MCTP1: variants seen among roughly 807,000 people sequenced by gnomAD.
The protein encoded by MCTP1 is multiple C2 and transmembrane domain-containing protein 1.
MCTP1 carries 69 observed loss-of-function variants against 120.6 expected under a neutral mutation model. That is an observed-to-expected ratio of 0.57 (90% CI 0.47 to 0.70). MCTP1 has a LOEUF of 0.70. MCTP1 is among the 30% of genes least tolerant of loss of function. The pLI is 0.00. For missense variants in MCTP1, 1,203 were observed against 1,248.8 expected (o/e 0.96, Z 0.55); for synonymous variants, 529 against 493.1 (o/e 1.07, Z -0.96).
intron 1 of MCTP1, among the ~76,000 whole-genome samples, chr5:95,171,998 A>T (rs251073): frequency 0.85 from 129,632 of 152,164 alleles, 55,639 homozygotes; most frequent in Middle Eastern, 0.91. Flanking sequence ...ATTTTTAGAA[A>T]TTTCAGCTTT....
rs758320084 is a variant in MCTP1, at chr5:94,870,508, G to T, written c.2242-17C>A. On this transcript the variant is annotated splice_polypyrimidine_tract_variant and intron_variant, in intron 15 of 22. Coordinates refer to ENST00000515393, the MANE Select transcript of MCTP1 (RefSeq NM_024717.7). ...GGCTTTCACCTATACATCAACATAT[G>T]TGTCTGTTATGGATTAATATATTAC... 182 of 1,517,298 alleles carry T rather than the reference G, an allele frequency of 1.2e-4. No homozygotes were observed. The highest frequency in any genetic ancestry group is 1.6e-4 in the Non-Finnish European group (179 of 1,091,588). 94.0% of individuals were successfully genotyped at this position (1,517,298 alleles called of 1,614,324 possible).
At chr5:95,108,703 T>C (rs1188249227) in intron 1 of MCTP1, among the ~76,000 whole-genome samples, 1 of 152,248 alleles carries the variant, frequency 6.6e-6, no homozygotes, top group African/African-American at 2.4e-5. Flanking sequence ...ACATCGATAC[T>C]GTCACTTATG....
At chr5:95,164,997 G>A (rs548237976) in intron 1 of MCTP1, among the ~76,000 whole-genome samples, 1 of 152,190 alleles carries the variant, frequency 6.6e-6, no homozygotes, top group Admixed American at 6.5e-5. Context: ...GGGGGAATAA[G>A]GCACACCCAC....
At chr5:94,817,407 A>AAAACAAAC (rs55957139) in intron 17 of MCTP1, among the ~76,000 whole-genome samples, 3,882 of 150,010 alleles carry the variant, frequency 0.026, 102 homozygotes, top group East Asian at 0.12. Context: ...CTCTTGTCTC[A>AAAACAAAC]AAACAAACAA....
chr5:95,155,357 G>T (rs1479798748), intron 1 of MCTP1, among the ~76,000 whole-genome samples: 7 of 152,052 alleles, frequency 4.6e-5, no homozygotes, highest in East Asian at 1.9e-4. Flanking sequence ...TCTAATGAAG[G>T]ATTTAGGCAA....
At chr5:94,752,144 TA>T (rs1768599771) in intron 19 of MCTP1, among the ~76,000 whole-genome samples, 1 of 120,972 alleles carries the variant, frequency 8.3e-6, no homozygotes, top group African/African-American at 3.1e-5. Flanking sequence ...TATATATATA[TA>T]TTCAAAATAG....
intron 1 of MCTP1, among the ~76,000 whole-genome samples, chr5:95,224,550 C>T (rs1445985502): frequency 6.7e-6 from 1 of 149,782 alleles, no homozygotes; most frequent in African/African-American, 2.5e-5. Context: ...CTGTGTCCCC[C>T]AGGCTGGAAT....
chr5:94,832,210 A>T (rs1403632138), intron 17 of MCTP1, among the ~76,000 whole-genome samples: 1 of 150,618 alleles, frequency 6.6e-6, no homozygotes, highest in Non-Finnish European at 1.5e-5. Context: ...AATGTTTGAG[A>T]GTTACTTTAT....
chr5:94,867,362 A>C (rs1307073502), intron 17 of MCTP1: 2 of 1,532,356 alleles, frequency 1.3e-6, no homozygotes, highest in Non-Finnish European at 1.7e-6. Context: ...CTCAGACATT[A>C]ATGAAAGTCC....
At chr5:94,873,741 T>A (rs1186545833) in intron 12 of MCTP1, among the ~76,000 whole-genome samples, 1 of 152,006 alleles carries the variant, frequency 6.6e-6, no homozygotes, top group Non-Finnish European at 1.5e-5. Context: ...ATATTTTAAT[T>A]GGACTAAGAT....
At chr5:94,889,893 A>T (rs1273327052) in intron 11 of MCTP1, among the ~76,000 whole-genome samples, 1 of 152,224 alleles carries the variant, frequency 6.6e-6, no homozygotes, top group African/African-American at 2.4e-5. Context: ...TAAATTATGG[A>T]ATAGATATGT....
chr5:94,769,055 C>T (rs1034737264), intron 19 of MCTP1, among the ~76,000 whole-genome samples: 1 of 151,994 alleles, frequency 6.6e-6, no homozygotes, highest in Admixed American at 6.6e-5. Context: ...GCTATTTGGC[C>T]ATAAAAAGGA....
chr5:94,714,911 C>G (rs1354432861), intron 19 of MCTP1, 25 bp from the exon 20 acceptor site: 1 of 1,314,366 alleles, frequency 7.6e-7, no homozygotes. Flanking sequence ...AAAAGAAATT[C>G]TGTATGAGTA....
In MCTP1 at chr5:95,151,589, AAGG is replaced by A. The variant is rs749100692; in HGVS notation, c.720+132264_720+132266del. ...GGCCATTATTAAAAATGGCTTGGCC[AAGG>A]AGGACTTAAGAGTTAAAACATTCCA... On this transcript the variant is annotated intron_variant, in intron 1 of 22. Transcript: ENST00000515393. 1.1e-4 allele frequency among the ~76,000 whole-genome samples: 16 copies of A among 152,334 alleles called. No individual in the cohort carries two copies. In the East Asian group the frequency reaches 2.5e-3, roughly 24 times the overall value.
At chr5:94,858,421 C>A (rs1311912703) in intron 17 of MCTP1, among the ~76,000 whole-genome samples, 1 of 151,630 alleles carries the variant, frequency 6.6e-6, no homozygotes, top group Non-Finnish European at 1.5e-5. Context: ...AGGAATAACA[C>A]TAAGCAGGGT....
chr5:94,961,606 G>A (rs951188142), intron 2 of MCTP1, among the ~76,000 whole-genome samples: 1 of 152,136 alleles, frequency 6.6e-6, no homozygotes, highest in Non-Finnish European at 1.5e-5. Context: ...ATCTTTGTGT[G>A]AAGCTGATGA....
At chr5:94,876,573 TTCTC>T (rs1798919519) in intron 12 of MCTP1, among the ~76,000 whole-genome samples, 1 of 152,146 alleles carries the variant, frequency 6.6e-6, no homozygotes, top group African/African-American at 2.4e-5. Flanking sequence ...TAATCTATTT[TTCTC>T]TCTCTCACTC....
At chr5:94,790,760 G>A (rs530425620) in intron 18 of MCTP1, among the ~76,000 whole-genome samples, 144 of 152,206 alleles carry the variant, frequency 9.5e-4, no homozygotes, top group Non-Finnish European at 1.8e-3. Context: ...GTCAGGGATG[G>A]TGCTCCAGAA....
At chr5:95,056,033 T>G (rs1456271782) in intron 1 of MCTP1, among the ~76,000 whole-genome samples, 2 of 152,180 alleles carry the variant, frequency 1.3e-5, no homozygotes, top group Non-Finnish European at 2.9e-5. Flanking sequence ...TGTCCACACA[T>G]GCACACTATG....
Sources: gnomAD v4.1 joint callset for allele counts (sites outside exome capture counted in the v4.1 genomes callset) on GRCh38, gnomAD v4.1.1 for gene constraint, MANE v1.5 for transcripts, NCBI Gene and HGNC (gene_info 2026-07-23, HGNC 2026-07-21) for gene names.